Variants in EPB41L2 observed in about 807,000 individuals in gnomAD.
EPB41L2 encodes band 4.1-like protein 2.
In EPB41L2, 43 loss-of-function variants were observed where a neutral mutation model predicts 113.0. The ratio of observed to expected loss-of-function variants is 0.38; its 90% CI spans 0.30 to 0.49. The LOEUF (loss-of-function observed/expected upper bound fraction) is 0.49, where lower values mean the gene tolerates loss of function less well. EPB41L2 is among the 20% of genes least tolerant of loss of function. EPB41L2 has a pLI of 0.95. For synonymous variants in EPB41L2, 442 were observed against 436.7 expected (o/e 1.01, Z -0.15); for missense variants, 1,147 against 1,223.4 (o/e 0.94, Z 0.93).
chr6:130,952,574 G>C (rs1348145408), intron 3 of EPB41L2, among the ~76,000 whole-genome samples: 2 of 152,108 alleles, frequency 1.3e-5, no homozygotes, highest in Non-Finnish European at 2.9e-5. Flanking sequence ...CCAGCACTTG[G>C]GAGGCCAAGG....
At chr6:130,937,007 C>T (rs1259315654) in intron 3 of EPB41L2, among the ~76,000 whole-genome samples, 2 of 152,196 alleles carry the variant, frequency 1.3e-5, no homozygotes, top group African/African-American at 2.4e-5. Flanking sequence ...AGCAAAATTG[C>T]GCATAAGGTA....
intron 4 of EPB41L2, among the ~76,000 whole-genome samples, chr6:130,910,932 G>T (rs1265608119): frequency 2.6e-5 from 4 of 152,208 alleles, no homozygotes; most frequent in Non-Finnish European, 2.9e-5. Context: ...TGGTGGGAGT[G>T]TAAATTAGTT....
chr6:130,858,820 A>G (rs552582881), intron 18 of EPB41L2, among the ~76,000 whole-genome samples: 1 of 152,390 alleles, frequency 6.6e-6, no homozygotes, highest in East Asian at 1.9e-4. Flanking sequence ...AACCTCTAAG[A>G]CACAGAACTA....
chr6:130,897,547 A>G (rs890264123), intron 8 of EPB41L2, among the ~76,000 whole-genome samples: 16 of 152,242 alleles, frequency 1.1e-4, no homozygotes, highest in Admixed American at 9.8e-4. Context: ...GCCATTTAAG[A>G]ATTGGTTTCT....
intron 1 of EPB41L2, among the ~76,000 whole-genome samples, chr6:131,050,325 C>G (rs192752323): frequency 2.6e-5 from 4 of 151,996 alleles, no homozygotes; most frequent in Admixed American, 1.3e-4. Flanking sequence ...GGCAACAGAG[C>G]GAGACTCTGT....
At chr6:130,859,347 C>A (rs1233627794) in intron 18 of EPB41L2, among the ~76,000 whole-genome samples, 1 of 152,024 alleles carries the variant, frequency 6.6e-6, no homozygotes, top group East Asian at 1.9e-4. Context: ...ATGGTGAAAC[C>A]CAGTCTCTAC....
At chr6:130,876,760 GA>G (rs1160473775) in intron 14 of EPB41L2, 2 of 1,303,610 alleles carry the variant, frequency 1.5e-6, no homozygotes, top group African/African-American at 1.5e-5. Flanking sequence ...TCCTTGAAAA[GA>G]TGGTCTCCTT....
At chr6:131,052,408 A>G (rs1160598847) in intron 1 of EPB41L2, among the ~76,000 whole-genome samples, 2 of 152,224 alleles carry the variant, frequency 1.3e-5, no homozygotes, top group Admixed American at 6.5e-5. Context: ...AAACCAGTCC[A>G]GGATGATGGA....
In EPB41L2 at chr6:130,880,150, C is replaced by A. The variant is rs1335584230; in HGVS notation, c.1890G>T (p.Met630Ile). The A allele has an allele frequency of 3.1e-6, 5 of 1,607,052 alleles. No homozygotes were observed. The change falls in exon 13 of 20, where the codon ATG (methionine) becomes ATT (isoleucine). Residue 630 changes from methionine (M) to isoleucine (I), a missense_variant. By Grantham distance (10) the Met-to-Ile change is conservative (BLOSUM62 1). Transcript: ENST00000337057. ...TTTCTTAGATTATACAAACCTCCAA[C>A]ATTAAATTGCTATGTCTGACATAAA... The part of the protein sequence containing the change: ...DNIYVRHSNL[M>I]LEELDKAQED...
chr6:131,036,917 C>A (rs1396953307), intron 1 of EPB41L2, among the ~76,000 whole-genome samples: 1 of 152,186 alleles, frequency 6.6e-6, no homozygotes, highest in Non-Finnish European at 1.5e-5. Flanking sequence ...ATCTTTTCCA[C>A]TGAGAGGGGC....
chr6:130,996,284 G>A (rs1783077653), intron 1 of EPB41L2, among the ~76,000 whole-genome samples: 1 of 152,174 alleles, frequency 6.6e-6, no homozygotes, highest in Non-Finnish European at 1.5e-5. Context: ...AAGCCCAACT[G>A]ATGCCCAGAC....
intron 11 of EPB41L2, among the ~76,000 whole-genome samples, chr6:130,886,762 T>C (rs1791133429): frequency 6.6e-6 from 1 of 152,004 alleles, no homozygotes; most frequent in East Asian, 1.9e-4. Context: ...GCCTCCTGAG[T>C]AGCTGGGATT....
At chr6:131,026,792 C>G (rs17059978) in intron 1 of EPB41L2, among the ~76,000 whole-genome samples, 7,422 of 152,222 alleles carry the variant, frequency 0.049, 315 homozygotes, top group African/African-American at 0.11. Context: ...TTTAACTCCT[C>G]TAGTCTGTAT....
chr6:131,060,876 A>C (rs187375962), intron 1 of EPB41L2, among the ~76,000 whole-genome samples: 2 of 152,356 alleles, frequency 1.3e-5, no homozygotes, highest in Admixed American at 1.3e-4. Flanking sequence ...CAGATTTGAA[A>C]TATACACACT....
chr6:130,939,407 C>T, intron 3 of EPB41L2, among the ~76,000 whole-genome samples: 1 of 152,072 alleles, frequency 6.6e-6, no homozygotes, highest in Non-Finnish European at 1.5e-5. Context: ...GCGTGTGCCA[C>T]CAAGCCCGGC....
At chr6:130,867,348 A>G (rs975029857) in intron 16 of EPB41L2, 111 bp downstream of exon 16, 1 of 1,406,482 alleles carries the variant, frequency 7.1e-7, no homozygotes, top group African/African-American at 1.4e-5. Flanking sequence ...GTGCAGATAC[A>G]AAAAGCTACA....
chr6:131,023,589 G>C lies in EPB41L2; in HGVS notation c.-15+39566C>G, dbSNP rs531321385. Among the ~76,000 whole-genome samples, 12 of 152,144 alleles carry C rather than the reference G, an allele frequency of 7.9e-5. No homozygotes were observed. In the South Asian group the frequency reaches 2.3e-3, roughly 29 times the overall value. On this transcript the variant is annotated intron_variant, in intron 1 of 19. Transcript: ENST00000337057. ...AATCCCAGCTATTCAGGAGGCTGAG[G>C]CAGGAGAATCGCTTGAACTCAGGAG...
rs199520847 is a variant in EPB41L2, at chr6:130,842,306, T to C, written c.*6-1708A>G. On this transcript the variant is annotated intron_variant, in intron 19 of 19. Coordinates refer to ENST00000337057, the MANE Select transcript of EPB41L2 (RefSeq NM_001431.4). ...GATTCTAGGCTGGGGGAAAAAAAAA[T>C]CAATGGAGAAAATAGAAAGTCTTTT... Among the ~76,000 whole-genome samples, 257 of 149,890 alleles carry C rather than the reference T, an allele frequency of 1.7e-3. 1 individual carries two copies. The highest frequency in any genetic ancestry group is 1.5e-3 in the Non-Finnish European group (104 of 67,478).
At chr6:131,023,707 A>ATGTG (rs1419282854) in intron 1 of EPB41L2, among the ~76,000 whole-genome samples, 27 of 136,280 alleles carry the variant, frequency 2.0e-4, no homozygotes, top group African/African-American at 7.3e-4. Context: ...AGAAAAAAAA[A>ATGTG]TGTGTGCGTG....
Sources: gnomAD v4.1 joint callset for allele counts (sites outside exome capture counted in the v4.1 genomes callset) on GRCh38, gnomAD v4.1.1 for gene constraint, MANE v1.5 for transcripts, NCBI Gene and HGNC (gene_info 2026-07-23, HGNC 2026-07-21) for gene names.